The following SINHCAF variants were observed in gnomAD, a reference collection of about 807,000 sequenced individuals.
SINHCAF encodes SIN3-HDAC complex associated factor.
Under a neutral mutation model 25.8 loss-of-function variants are expected in SINHCAF, and 3 were observed. The ratio of observed to expected loss-of-function variants is 0.12; its 90% confidence interval spans 0.05 to 0.30. The LOEUF is 0.30. Among genes scored for constraint, SINHCAF ranks in the 10% least tolerant of loss-of-function variants. SINHCAF has a pLI of 1.00. For missense variants in SINHCAF, 121 were observed against 262.3 expected, an observed-to-expected ratio of 0.46 and a Z score of 3.72; for synonymous variants, 70 against 85.5, an observed-to-expected ratio of 0.82 and a Z score of 1.00.
intron 4 of SINHCAF, 73 bp downstream of exon 4, chr12:31,293,732 C>A: frequency 7.6e-7 from 1 of 1,311,576 alleles, no homozygotes; most frequent in Non-Finnish European, 1.0e-6. Flanking sequence ...ATGATCCACA[C>A]ATGCCATACA....
chr12:31,317,761 A>G (rs1325112604), intron 1 of SINHCAF, among the ~76,000 whole-genome samples: 7 of 152,208 alleles, frequency 4.6e-5, no homozygotes, highest in Non-Finnish European at 8.8e-5. Flanking sequence ...AATACACTCC[A>G]TGGGAGAGAC....
chr12:31,316,884 A>G lies in SINHCAF; in HGVS notation c.-21+9140T>C, dbSNP rs190762097. The stretch of plus-strand genomic sequence containing the variant: ...ATTCAACTATTTTCTTGTCTTTTTA[A>G]ATCTTTATAAGGGTGTTAACTCACA... On this transcript the variant is annotated intron_variant, in intron 1 of 5. Coordinates refer to ENST00000337682, the MANE Select transcript of SINHCAF (RefSeq NM_001135812.2). Among the ~76,000 whole-genome samples, 599 of 152,294 alleles carry G rather than the reference A, an allele frequency of 3.9e-3. 5 individuals carry two copies. Among genetic ancestry groups the G allele is most frequent in the African/African-American group, 0.014 (572 of 41,568 alleles).
In SINHCAF at chr12:31,287,619, CT is replaced by C; in HGVS notation, c.506+14del. The C allele has an allele frequency of 6.4e-7, 1 of 1,571,222 alleles. No individual in the cohort carries two copies. Among genetic ancestry groups the C allele is most frequent in the Non-Finnish European group, 8.7e-7 (1 of 1,153,226 alleles). ...AGATGGTTTGCTGGTTAGAGAGATACTTTGTTTCTTTTACCTTTTCCAGTAA... is the reference window on the plus strand; with the variant it reads ...AGATGGTTTGCTGGTTAGAGAGATACTTGTTTCTTTTACCTTTTCCAGTAA... On this transcript the variant is annotated intron_variant, in intron 5 of 5. Transcript: ENST00000337682.
At chr12:31,322,096 A>C (rs555305004) in intron 1 of SINHCAF, among the ~76,000 whole-genome samples, 1 of 152,326 alleles carries the variant, frequency 6.6e-6, no homozygotes, top group African/African-American at 2.4e-5. Context: ...GATCTAGAAT[A>C]TTCTACCAAT....
At chr12:31,312,127 GT>G in intron 1 of SINHCAF, 1 of 419,480 alleles carries the variant, frequency 2.4e-6, no homozygotes, top group Non-Finnish European at 4.6e-6. Context: ...CCATCAATTG[GT>G]TTTTCCTGTT....
chr12:31,297,467 A>ATTTTTTTTTTTTTT (rs777087270), intron 2 of SINHCAF, among the ~76,000 whole-genome samples: 3 of 103,428 alleles, frequency 2.9e-5, no homozygotes, highest in African/African-American at 1.1e-4. Context: ...GTCAAGCGTA[A>ATTTTTTTTTTTTTT]TTTTTTTTTT....
chr12:31,314,347 AC>A (rs1391187284), intron 1 of SINHCAF, among the ~76,000 whole-genome samples: 4 of 151,554 alleles, frequency 2.6e-5, no homozygotes, highest in African/African-American at 9.7e-5. Context: ...ACACGGTGAA[AC>A]CCTGTCTCTA....
At chr12:31,314,450 C>T (rs918820119) in intron 1 of SINHCAF, among the ~76,000 whole-genome samples, 1 of 151,972 alleles carries the variant, frequency 6.6e-6, no homozygotes, top group South Asian at 2.1e-4. Context: ...GGCGCGAACC[C>T]GGGAGGCGGA....
Position 31,293,808 on chromosome 12 carries a change from G to A in SINHCAF, c.352C>T (p.His118Tyr). 6.3e-7 allele frequency: 1 copy of A among 1,596,776 alleles called. No individual in the cohort carries two copies. The highest frequency in any genetic ancestry group is 1.1e-5 in the South Asian group (1 of 87,270). The change falls in exon 4 of 6, where the codon CAT (histidine) becomes TAT (tyrosine). Residue 118 changes from histidine (H) to tyrosine (Y), a missense_variant. His to Tyr is a moderately conservative substitution (Grantham distance 83). Coordinates refer to ENST00000337682, the MANE Select transcript of SINHCAF (RefSeq NM_001135812.2). The part of the protein sequence containing the change: ...ISKLQKEFKR[H>Y]NSDAHSTTSS... ...AATGTTGTAATATCAAACTTACTAT[G>A]ACGTTTAAATTCCTTCTGCAGTTTA... is the stretch of plus-strand genomic sequence containing the variant.
chr12:31,306,058 A>G (rs1320643517), intron 1 of SINHCAF, among the ~76,000 whole-genome samples: 1 of 152,226 alleles, frequency 6.6e-6, no homozygotes, highest in Non-Finnish European at 1.5e-5. Flanking sequence ...ATTGCTGTGA[A>G]GTTCAAAAGG....
intron 1 of SINHCAF, chr12:31,323,822 G>T (rs1415374792): frequency 2.4e-6 from 1 of 410,216 alleles, no homozygotes; most frequent in African/African-American, 2.0e-5. Flanking sequence ...CGTCGTCGGG[G>T]CTGGGTCCCC....
chr12:31,298,051 A>G (rs1344593767), intron 2 of SINHCAF, 26 bp downstream of exon 2: 1 of 1,609,710 alleles, frequency 6.2e-7, no homozygotes, highest in Non-Finnish European at 8.5e-7. Flanking sequence ...CACTCTAAGA[A>G]TAGTACAAAC....
chr12:31,297,294 T>C lies in SINHCAF; in HGVS notation c.128+783A>G, dbSNP rs565281840. ...CTTCAGCCTCCGACGTAGCTAGGACTACAGGCATGTACCGCCACGTCTGGT... is the reference window on the plus strand; with the variant it reads ...CTTCAGCCTCCGACGTAGCTAGGACCACAGGCATGTACCGCCACGTCTGGT... On this transcript the variant is annotated intron_variant, in intron 2 of 5. Coordinates refer to ENST00000337682, the MANE Select transcript of SINHCAF (RefSeq NM_001135812.2). Among the ~76,000 whole-genome samples the C allele has an allele frequency of 5.3e-5, 8 of 152,088 alleles. No homozygotes were observed. In the East Asian group the frequency reaches 1.6e-3, roughly 29 times the overall value.
intron 5 of SINHCAF, among the ~76,000 whole-genome samples, chr12:31,285,083 G>T (rs1258106907): frequency 3.9e-5 from 6 of 152,002 alleles, no homozygotes; most frequent in African/African-American, 1.4e-4. Flanking sequence ...AATTTATTTA[G>T]GTGTCTTTAA....
Position 31,325,558 on chromosome 12 carries a change from CG to C in SINHCAF, c.-21+465del. The stretch of plus-strand genomic sequence containing the variant: ...AACCACGAGGTTTCACAACGGCGCC[CG>C]ACCCTGCCCGCGCCTCGCGCCCACG... On this transcript the variant is annotated intron_variant, in intron 1 of 5. Coordinates refer to ENST00000337682, the MANE Select transcript of SINHCAF (RefSeq NM_001135812.2). The surrounding 1 kb of genome is among the most constrained non-coding windows in gnomAD (Gnocchi z 5.9). 5.0e-6 allele frequency: 1 copy of C among 198,832 alleles called. No individual in the cohort carries two copies. Among genetic ancestry groups the C allele is most frequent in the Non-Finnish European group, 1.1e-5 (1 of 93,738 alleles). 12.3% of individuals were successfully genotyped at this position (198,832 alleles called of 1,614,324 possible).
At position 31,282,646 on chromosome 12, in the gene SINHCAF, T is replaced by C; in HGVS notation, c.*66A>G. ...TCAAAAAAAAAAGAGGGTCAGTTTG[T>C]AGCTTTGTGGTTTTTCAAAATTCAG... On this transcript the variant is annotated 3_prime_UTR_variant, in exon 6 of 6. Coordinates refer to ENST00000337682, the MANE Select transcript of SINHCAF (RefSeq NM_001135812.2). 1.5e-6 allele frequency: 2 copies of C among 1,377,512 alleles called. No individual in the cohort carries two copies. The highest frequency in any genetic ancestry group is 2.4e-5 in the East Asian group (1 of 41,558). 85.3% of individuals were successfully genotyped at this position (1,377,512 alleles called of 1,614,324 possible). A position where few individuals can be genotyped will look rare whatever the true frequency, so the allele number is the denominator to read the frequency against.
chr12:31,309,683 TGA>T lies in SINHCAF; in HGVS notation c.-20-11461_-20-11460del, dbSNP rs796857751. Among the ~76,000 whole-genome samples, 118 of 150,492 alleles carry T rather than the reference TGA, an allele frequency of 7.8e-4. 2 individuals are homozygous for T. The highest frequency in any genetic ancestry group is 2.3e-3 in the African/African-American group (95 of 40,622). On this transcript the variant is annotated intron_variant, in intron 1 of 5. Transcript: ENST00000337682. ...CTTGTGATTTTTTTTTTTTTTTTTT[TGA>T]GACGGAGTCTCACTCTGTCGCCCAG...
At chr12:31,311,669 T>C (rs1939276740) in intron 1 of SINHCAF, 1 of 447,106 alleles carries the variant, frequency 2.2e-6, no homozygotes, top group Non-Finnish European at 4.4e-6. Flanking sequence ...ACTGAGCTTA[T>C]AACAATATTT....
Position 31,309,705 on chromosome 12 carries a change from G to A in SINHCAF, c.-20-11481C>T, listed in dbSNP as rs149619939. On this transcript the variant is annotated intron_variant, in intron 1 of 5. Coordinates refer to ENST00000337682, the MANE Select transcript of SINHCAF (RefSeq NM_001135812.2). ...TTTTGAGACGGAGTCTCACTCTGTC[G>A]CCCAGGCTGGAGTGCAATGGTGTGA... Among the ~76,000 whole-genome samples, 836 of 137,726 alleles carry A rather than the reference G, an allele frequency of 6.1e-3. 12 individuals are homozygous for A. The highest frequency in any genetic ancestry group is 0.022 in the African/African-American group (792 of 36,650). 90.4% of individuals were successfully genotyped at this position (137,726 alleles called of 152,430 possible). A position where few individuals can be genotyped will look rare whatever the true frequency, so the allele number is the denominator to read the frequency against.
Sources: allele counts gnomAD v4.1 joint callset (sites outside exome capture counted in the v4.1 genomes callset), GRCh38; gene constraint gnomAD v4.1.1; non-coding constraint Gnocchi (gnomAD v3.1); transcripts MANE v1.5; gene names NCBI Gene and HGNC (gene_info 2026-07-23, HGNC 2026-07-21).